The following RAI1 variants were observed in gnomAD, a reference collection of about 807,000 sequenced individuals.
RAI1 encodes retinoic acid-induced protein 1.
Under a neutral mutation model 123.8 loss-of-function variants are expected in RAI1, and 9 were observed. The observed-to-expected ratio is 0.07, with a 90% CI of 0.04 to 0.13. The LOEUF (loss-of-function observed/expected upper bound fraction) is 0.13, where lower values mean the gene tolerates loss of function less well. Ranked by LOEUF, RAI1 falls within the 10% of genes least tolerant of loss-of-function variation. The pLI, the probability that RAI1 is intolerant of heterozygous loss-of-function variation, is 1.00. For synonymous variants in RAI1, 1,231 were observed against 1,127.3 expected (o/e 1.09, Z -1.84); for missense variants, 2,256 against 2,545.8 (o/e 0.89, Z 2.45).
intron 2 of RAI1, among the ~76,000 whole-genome samples, chr17:17,761,552 G>A (rs918464995): frequency 3.9e-5 from 6 of 152,300 alleles, no homozygotes; most frequent in African/African-American, 1.4e-4. Flanking sequence ...GCAGGCATCA[G>A]TTGGAAAGTC....
rs760919336 is a variant in RAI1, at chr17:17,796,678, CGCAGCAGCA to C, written c.3740_3748del (p.Ser1247_Ser1249del). On this transcript the variant is annotated inframe_deletion, in exon 3 of 6. Transcript: ENST00000353383. This position sits in a 1 kb window ranked among gnomAD's most constrained non-coding sequence, Gnocchi z 5.8. ...GAAGCGGAACCTGGTCTTGCGGAGC[CGCAGCAGCA>C]GCAGCAGCAACGCCAGTGGCAATGG... 6.3e-5 allele frequency: 101 copies of C among 1,612,182 alleles called. No homozygotes were observed. The African/African-American group carries it at 1.1e-3, about 18-fold the overall frequency.
At chr17:17,747,016 C>T (rs1169871821) in intron 2 of RAI1, among the ~76,000 whole-genome samples, 2 of 152,184 alleles carry the variant, frequency 1.3e-5, no homozygotes, top group African/African-American at 4.8e-5. Flanking sequence ...GCCAAACAAA[C>T]TGCATTTATT....
intron 2 of RAI1, among the ~76,000 whole-genome samples, chr17:17,752,431 A>G (rs898485032): frequency 7.2e-5 from 11 of 151,858 alleles, no homozygotes; most frequent in African/African-American, 2.7e-4. Context: ...CCTGTGATTA[A>G]CAGGCGGGCG....
intron 1 of RAI1, 58 bp downstream of exon 1, chr17:17,681,851 C>T (rs1162163936): frequency 4.2e-6 from 1 of 238,456 alleles, no homozygotes. Flanking sequence ...GGGGCGGGGG[C>T]GGCGCGAGGC....
rs376074871 is a variant in RAI1, at chr17:17,793,202, T to C, written c.254T>C (p.Leu85Pro). ...AAGTACCACCGAGGCAGCAAGGCCC[T>C]GCCCACACAGCAAGGCCTGCAGGGG... ...ADKYHRGSKA[L>P]PTQQGLQGRP... The change falls in exon 3 of 6, where the codon CTG becomes CCG. Residue 85 changes from leucine to proline, a missense_variant. Transcript: ENST00000353383. 1.9e-6 allele frequency: 3 copies of C among 1,612,244 alleles called. No homozygotes were observed. The highest frequency in any genetic ancestry group is 2.5e-6 in the Non-Finnish European group (3 of 1,179,600).
intron 2 of RAI1, among the ~76,000 whole-genome samples, chr17:17,754,066 T>C (rs2030324760): frequency 6.6e-6 from 1 of 152,096 alleles, no homozygotes; most frequent in African/African-American, 2.4e-5. Flanking sequence ...TGTATGGTTG[T>C]ACAAGTTGTA....
intron 1 of RAI1, among the ~76,000 whole-genome samples, chr17:17,689,023 T>C (rs1434790777): frequency 6.7e-6 from 1 of 150,310 alleles, no homozygotes; most frequent in Non-Finnish European, 1.5e-5. Context: ...TGGCTCGACC[T>C]CGGCTCACTG....
At chr17:17,766,562 C>A (rs1466200185) in intron 2 of RAI1, among the ~76,000 whole-genome samples, 1 of 152,196 alleles carries the variant, frequency 6.6e-6, no homozygotes, top group African/African-American at 2.4e-5. Flanking sequence ...GGCGTCAGCA[C>A]TGGGGCGTGC....
intron 1 of RAI1, among the ~76,000 whole-genome samples, chr17:17,694,401 A>C (rs1334341958): frequency 2.6e-5 from 4 of 151,804 alleles, no homozygotes; most frequent in Non-Finnish European, 4.4e-5. Flanking sequence ...CTGGGGTGTG[A>C]GTCACATTCT....
At chr17:17,807,255 G>C (rs1483191177) in intron 4 of RAI1, among the ~76,000 whole-genome samples, 40 of 150,422 alleles carry the variant, frequency 2.7e-4, no homozygotes, top group Admixed American at 2.0e-3. Context: ...GCGGTGGGGG[G>C]GGCGGGGGGG....
At chr17:17,786,078 T>A (rs930697209) in intron 2 of RAI1, among the ~76,000 whole-genome samples, 5 of 152,214 alleles carry the variant, frequency 3.3e-5, no homozygotes, top group African/African-American at 9.7e-5. Context: ...CACTCCCAAG[T>A]GGCCGCAGTC....
rs766505140 is a variant in RAI1 at position 17,796,494 on chromosome 17, C to G, written c.3546C>G (p.His1182Gln). 6.2e-7 allele frequency: 1 copy of G among 1,611,056 alleles called. No individual in the cohort carries two copies. Among genetic ancestry groups the G allele is most frequent in the Admixed American group, 1.7e-5 (1 of 59,984 alleles). The change falls in exon 3 of 6, where the codon CAC (histidine) becomes CAG (glutamine). Residue 1182 changes from histidine to glutamine, a missense_variant. By Grantham distance (24) the His-to-Gln change is conservative (BLOSUM62 0). Coordinates refer to ENST00000353383, the MANE Select transcript of RAI1 (RefSeq NM_030665.4). This position sits in a 1 kb window ranked among gnomAD's most constrained non-coding sequence, Gnocchi z 5.8. ...RATKKLLDNS[H>Q]LPATFKVSSS... ...CCAAGAAGCTCCTCGACAACAGCCACTTGCCCGCCACATTCAAGGTCTCCA... is the reference window on the plus strand; with the variant it reads ...CCAAGAAGCTCCTCGACAACAGCCAGTTGCCCGCCACATTCAAGGTCTCCA...
chr17:17,801,705 C>T lies in RAI1; in HGVS notation c.5566-2051C>T, dbSNP rs776626829. On this transcript the variant is annotated intron_variant, in intron 3 of 5. Coordinates refer to ENST00000353383, the MANE Select transcript of RAI1 (RefSeq NM_030665.4). The surrounding 1 kb of genome is among the most constrained non-coding windows in gnomAD (Gnocchi z 4.1). ...CAGGCCCCACTCCCAGCATGGGCAG[C>T]GGGGAGGGGAGTGTTCTGACATTTC... is the stretch of plus-strand genomic sequence containing the variant. Among the ~76,000 whole-genome samples the T allele has an allele frequency of 1.3e-5, 2 of 152,188 alleles. No homozygotes were observed. Among genetic ancestry groups the T allele is most frequent in the South Asian group, 2.1e-4 (1 of 4,830 alleles).
chr17:17,697,085 C>G (rs566757893), intron 1 of RAI1, among the ~76,000 whole-genome samples: 2 of 152,372 alleles, frequency 1.3e-5, no homozygotes, highest in East Asian at 3.9e-4. Flanking sequence ...TCCCTACTGC[C>G]AGGCCTGTCT....
chr17:17,785,845 C>CA (rs2031808895), intron 2 of RAI1, among the ~76,000 whole-genome samples: 1 of 152,210 alleles, frequency 6.6e-6, no homozygotes, highest in South Asian at 2.1e-4. Context: ...TGCCATCGAG[C>CA]CCATGCAGAT....
chr17:17,761,961 A>G (rs914513421), intron 2 of RAI1, among the ~76,000 whole-genome samples: 1 of 152,022 alleles, frequency 6.6e-6, no homozygotes, highest in Admixed American at 6.5e-5. Context: ...CATCCAAGGG[A>G]CTTTTGGTTG....
chr17:17,753,172 C>T (rs1013260439), intron 2 of RAI1, among the ~76,000 whole-genome samples: 7 of 152,202 alleles, frequency 4.6e-5, no homozygotes, highest in Admixed American at 6.5e-5. Flanking sequence ...CTGTGCTGGC[C>T]AGACAGGAGC....
Position 17,796,566 on chromosome 17 carries a change from C to T in RAI1, c.3618C>T (p.Pro1206=). 1.2e-6 allele frequency: 2 copies of T among 1,611,458 alleles called. No individual in the cohort carries two copies. Among genetic ancestry groups the T allele is most frequent in the East Asian group, 2.2e-5 (1 of 44,884 alleles). The change falls in exon 3 of 6, where the codon CCC becomes CCT. Residue 1206 remains proline, a synonymous_variant. Coordinates refer to ENST00000353383, the MANE Select transcript of RAI1 (RefSeq NM_030665.4). This position sits in a 1 kb window ranked among gnomAD's most constrained non-coding sequence, Gnocchi z 5.8. The part of the protein sequence containing the change: ...EGRVSQRARV[P]KPGAGSKLSD... ...GGGTGAGCCAGCGGGCAAGGGTCCCCAAACCTGGTGCAGGCAGCAAGCTCT... is the reference window on the plus strand; with the variant it reads ...GGGTGAGCCAGCGGGCAAGGGTCCCTAAACCTGGTGCAGGCAGCAAGCTCT...
chr17:17,710,065 C>T (rs371292137), intron 1 of RAI1, among the ~76,000 whole-genome samples: 2 of 152,206 alleles, frequency 1.3e-5, no homozygotes, highest in Non-Finnish European at 2.9e-5. Flanking sequence ...CTGCACCACT[C>T]GCCTAGCCCC....
Sources: allele counts gnomAD v4.1 joint callset (sites outside exome capture counted in the v4.1 genomes callset), GRCh38; gene constraint gnomAD v4.1.1; non-coding constraint Gnocchi (gnomAD v3.1); transcripts MANE v1.5; gene names NCBI Gene and HGNC (gene_info 2026-07-23, HGNC 2026-07-21).